The following CSMD1 variants were observed in gnomAD, a reference collection of about 807,000 sequenced individuals.
CSMD1 encodes the protein CUB and Sushi multiple domains 1.
In CSMD1, 213 loss-of-function variants were observed where a neutral mutation model predicts 417.5. That is an observed-to-expected ratio of 0.51 (90% confidence interval 0.46 to 0.57). The LOEUF is 0.57. CSMD1 is among the 20% of genes least tolerant of loss of function. The pLI, the probability that CSMD1 is intolerant of heterozygous loss-of-function variation, is 0.00. For synonymous variants in CSMD1, 2,862 were observed against 1,736.8 expected (o/e 1.65, Z -16.11); for missense variants, 6,923 against 4,529.7 (o/e 1.53, Z -15.17).
chr8:3,102,110 G>C (rs116110696), intron 46 of CSMD1, among the ~76,000 whole-genome samples: 2,184 of 152,202 alleles, frequency 0.014, 44 homozygotes, highest in African/African-American at 0.05. Context: ...CTAAAAGTGT[G>C]GTTATGACAT....
chr8:3,936,492 A>G (rs1182824604), intron 5 of CSMD1, among the ~76,000 whole-genome samples: 2 of 152,192 alleles, frequency 1.3e-5, no homozygotes, highest in African/African-American at 2.4e-5. Flanking sequence ...ATCTACCATT[A>G]CAAAAATCCC....
At chr8:3,136,234 C>A (rs1475765256) in intron 41 of CSMD1, among the ~76,000 whole-genome samples, 1 of 150,886 alleles carries the variant, frequency 6.6e-6, no homozygotes, top group Non-Finnish European at 1.5e-5. Flanking sequence ...GCAGAGAGGA[C>A]AACCAAGCCT....
At chr8:3,516,918 C>A (rs1797305307) in intron 10 of CSMD1, among the ~76,000 whole-genome samples, 1 of 152,156 alleles carries the variant, frequency 6.6e-6, no homozygotes, top group Non-Finnish European at 1.5e-5. Context: ...ATCGTAGAAC[C>A]AACCCAAATG....
intron 5 of CSMD1, among the ~76,000 whole-genome samples, chr8:3,819,612 C>T (rs1801604744): frequency 6.6e-6 from 1 of 151,982 alleles, no homozygotes; most frequent in African/African-American, 2.4e-5. Flanking sequence ...GAGACAGGAT[C>T]TCACTTTGTT....
At chr8:3,158,000 A>T (rs1455425297) in intron 38 of CSMD1, 34 bp from the exon 39 acceptor site, 5 of 1,470,900 alleles carry the variant, frequency 3.4e-6, no homozygotes, top group Non-Finnish European at 4.7e-6. Flanking sequence ...AATACATATA[A>T]CTAAAAACAG....
At chr8:4,961,451 T>C (rs1157609291) in intron 1 of CSMD1, among the ~76,000 whole-genome samples, 1 of 152,148 alleles carries the variant, frequency 6.6e-6, no homozygotes, top group African/African-American at 2.4e-5. Flanking sequence ...TTCTAGTTGA[T>C]TTCCTCAATA....
At chr8:3,977,986 C>G (rs1308951102) in intron 5 of CSMD1, among the ~76,000 whole-genome samples, 2 of 152,168 alleles carry the variant, frequency 1.3e-5, no homozygotes, top group Non-Finnish European at 2.9e-5. Flanking sequence ...TAGCTCTTAC[C>G]ATGAGAGCAT....
chr8:3,225,802 T>C (rs1764556605), intron 27 of CSMD1, among the ~76,000 whole-genome samples: 1 of 152,246 alleles, frequency 6.6e-6, no homozygotes, highest in Admixed American at 6.5e-5. Context: ...TTCTCTCTTT[T>C]GGTCTGGTAT....
chr8:4,944,455 A>C (rs1358100615), intron 1 of CSMD1, among the ~76,000 whole-genome samples: 2 of 152,204 alleles, frequency 1.3e-5, no homozygotes, highest in African/African-American at 4.8e-5. Context: ...CTTTCTTGAA[A>C]TCCTCATTTG....
intron 5 of CSMD1, among the ~76,000 whole-genome samples, chr8:3,989,667 G>A (rs1185865855): frequency 6.6e-6 from 1 of 152,116 alleles, no homozygotes; most frequent in Non-Finnish European, 1.5e-5. Context: ...TGTTTATTAA[G>A]AAACGATACT....
intron 10 of CSMD1, among the ~76,000 whole-genome samples, chr8:3,525,684 A>C (rs573338135): frequency 6.6e-6 from 1 of 152,192 alleles, no homozygotes; most frequent in Non-Finnish European, 1.5e-5. Flanking sequence ...ATGCTGCTCT[A>C]TGTACCCAGC....
At chr8:4,270,607 G>C (rs190464289) in intron 3 of CSMD1, among the ~76,000 whole-genome samples, 11 of 152,222 alleles carry the variant, frequency 7.2e-5, no homozygotes, top group Admixed American at 3.3e-4. Context: ...TGTTCAACCT[G>C]ATTTTGACTC....
At chr8:3,469,330 C>T (rs973578572) in intron 11 of CSMD1, 4 of 152,214 alleles carry the variant, frequency 2.6e-5, no homozygotes, top group African/African-American at 9.7e-5. Context: ...ATCACAAACT[C>T]TCCTTTTAAA....
intron 5 of CSMD1, among the ~76,000 whole-genome samples, chr8:3,842,019 C>A (rs1304937617): frequency 6.6e-6 from 1 of 152,106 alleles, no homozygotes; most frequent in Non-Finnish European, 1.5e-5. Flanking sequence ...GAGTTAAAAG[C>A]TCCTTTCTTT....
rs777064752 is a variant in CSMD1, at chr8:3,205,526, G to A, written c.4962C>T (p.Ser1654=). ...TACCGAATTCCTTTGGTACCGTGAT[G>A]GAATAGAGGCATATTTGACCAGCTG... ...NYTAGQICLY[S]ITVPKEFVVF... Residue 1654 remains serine (S), a synonymous_variant, in exon 31 of 70, where the codon TCC becomes TCT. Transcript: ENST00000635120. 1 of 1,577,868 alleles carries A rather than the reference G, an allele frequency of 6.3e-7. No homozygotes were observed. Among genetic ancestry groups the A allele is most frequent in the East Asian group, 2.3e-5 (1 of 44,336 alleles).
At chr8:4,159,644 A>G (rs1193753244) in intron 3 of CSMD1, among the ~76,000 whole-genome samples, 3 of 152,172 alleles carry the variant, frequency 2.0e-5, no homozygotes, top group Non-Finnish European at 4.4e-5. Flanking sequence ...GCTGGAGCAC[A>G]GTGGCGCGAT....
chr8:4,952,456 C>T (rs1808817892), intron 1 of CSMD1, among the ~76,000 whole-genome samples: 1 of 152,006 alleles, frequency 6.6e-6, no homozygotes, highest in African/African-American at 2.4e-5. Context: ...TTTCAATTAC[C>T]TATGTCTAAA....
intron 1 of CSMD1, among the ~76,000 whole-genome samples, chr8:4,951,460 A>AGAAG (rs957403404): frequency 1.3e-5 from 2 of 151,208 alleles, no homozygotes; most frequent in Non-Finnish European, 3.0e-5. Flanking sequence ...AAGGAAGGAA[A>AGAAG]GAAGGAAGGA....
chr8:3,278,894 A>G (rs1249955603), intron 26 of CSMD1: 1 of 152,212 alleles, frequency 6.6e-6, no homozygotes, highest in Non-Finnish European at 1.5e-5. Flanking sequence ...ATAACAGCCC[A>G]GTTTCTTCCT....
Sources: allele counts gnomAD v4.1 joint callset (sites outside exome capture counted in the v4.1 genomes callset), GRCh38; gene constraint gnomAD v4.1.1; transcripts MANE v1.5; gene names NCBI Gene and HGNC (gene_info 2026-07-23, HGNC 2026-07-21).